SNX1: variants seen among roughly 807,000 people sequenced by gnomAD.
SNX1 encodes the protein sorting nexin 1.
In SNX1, 36 loss-of-function variants were observed where a neutral mutation model predicts 71.8. The observed-to-expected ratio is 0.50, with a 90% CI of 0.38 to 0.66. The LOEUF (loss-of-function observed/expected upper bound fraction) is 0.66, where lower values mean the gene tolerates loss of function less well. Ranked by LOEUF, SNX1 falls within the 30% of genes least tolerant of loss-of-function variation. The pLI is 0.00. For synonymous variants in SNX1, 254 were observed against 240.7 expected (o/e 1.06, Z -0.51); for missense variants, 612 against 646.7 (o/e 0.95, Z 0.58).
At chr15:64,128,874 C>G (rs996163418) in intron 8 of SNX1, among the ~76,000 whole-genome samples, 15 of 152,004 alleles carry the variant, frequency 9.9e-5, no homozygotes, top group Non-Finnish European at 1.5e-4. Flanking sequence ...AGGTAGCACC[C>G]CCTCCCCAGT....
chr15:64,128,679 T>G (rs1189103736), intron 8 of SNX1, among the ~76,000 whole-genome samples: 2 of 152,238 alleles, frequency 1.3e-5, no homozygotes, highest in Non-Finnish European at 2.9e-5. Context: ...TTTTAGTCTT[T>G]TCTTGTGGAT....
chr15:64,134,578 C>T lies in SNX1; in HGVS notation c.1222-86C>T, dbSNP rs1335591835. On this transcript the variant is annotated intron_variant, in intron 11 of 14. Coordinates refer to ENST00000559844, the MANE Select transcript of SNX1 (RefSeq NM_003099.5). This position sits in a 1 kb window ranked among gnomAD's most constrained non-coding sequence, Gnocchi z 4.1. ...GCCCTTGCTCAGTCTGTCCCTGGTG[C>T]AGCTGCTGGGAGAGCCTGCCTCGAG... is the stretch of plus-strand genomic sequence containing the variant. 4.0e-6 allele frequency: 6 copies of T among 1,486,934 alleles called. No homozygotes were observed. The highest frequency in any genetic ancestry group is 2.8e-5 in the African/African-American group (2 of 71,770). The allele number at this position is 1,486,934 out of a possible 1,614,324, so 92.1% of individuals were successfully genotyped here. A position where few individuals can be genotyped will look rare whatever the true frequency, so the allele number is the denominator to read the frequency against.
Position 64,112,662 on chromosome 15 carries a change from A to G in SNX1, c.249A>G (p.Gln83=). Residue 83 remains glutamine (Q), a synonymous_variant, in exon 2 of 15, where the codon CAA becomes CAG. Coordinates refer to ENST00000559844, the MANE Select transcript of SNX1 (RefSeq NM_003099.5). ...KENGIHEEQD[Q]EPQDLFADAT... The stretch of plus-strand genomic sequence containing the variant: ...ATGGGATCCATGAAGAACAAGACCA[A>G]GAGCCACAGGATCTCTTTGCAGGCA... 6.2e-7 allele frequency: 1 copy of G among 1,612,926 alleles called. No homozygotes were observed. Among genetic ancestry groups the G allele is most frequent in the African/African-American group, 1.3e-5 (1 of 75,004 alleles).
intron 1 of SNX1, among the ~76,000 whole-genome samples, chr15:64,109,363 A>G (rs183473037): frequency 5.9e-5 from 9 of 152,272 alleles, no homozygotes; most frequent in African/African-American, 2.2e-4. Context: ...AAAGAAAAAG[A>G]AAAATGCACA....
At chr15:64,124,176 A>ATATATATATATATATATATATATATG (rs1567327094) in intron 5 of SNX1, among the ~76,000 whole-genome samples, 1 of 119,104 alleles carries the variant, frequency 8.4e-6, no homozygotes, top group African/African-American at 2.9e-5. Context: ...ATATATATAT[A>ATATATATATATATATATATATATATG]TATGACTGTT....
chr15:64,135,708 G>C (rs1449745266), intron 12 of SNX1, among the ~76,000 whole-genome samples: 1 of 146,286 alleles, frequency 6.8e-6, no homozygotes, highest in Non-Finnish European at 1.5e-5. Flanking sequence ...GCAGTGAGCT[G>C]AGATCACGCC....
chr15:64,123,582 T>C (rs1336055193), intron 5 of SNX1, 36 bp downstream of exon 5: 10 of 1,568,466 alleles, frequency 6.4e-6, no homozygotes, highest in East Asian at 2.2e-5. Flanking sequence ...ACCATCTTCA[T>C]AGACTTTGGT....
chr15:64,104,335 C>T (rs1283184323), intron 1 of SNX1, among the ~76,000 whole-genome samples: 1 of 143,948 alleles, frequency 6.9e-6, no homozygotes, highest in African/African-American at 2.6e-5. Flanking sequence ...TGCAGTGGCG[C>T]GATTTTGGCT....
chr15:64,116,039 A>G (rs909793236), intron 2 of SNX1, among the ~76,000 whole-genome samples: 1 of 152,204 alleles, frequency 6.6e-6, no homozygotes, highest in African/African-American at 2.4e-5. Context: ...AACTTCCCCA[A>G]AACTTTTCTA....
rs761251263 is a variant in SNX1, at chr15:64,096,047, G to A, written c.34G>A (p.Glu12Lys). ...ASGGGGCSAS[E>K]RLPPPFPGLE... The stretch of plus-strand genomic sequence containing the variant: ...GGGTGGTGGTGGCTGTAGCGCTTCG[G>A]AGAGACTGCCTCCGCCCTTCCCCGG... Residue 12 changes from glutamate (E) to lysine (K), a missense_variant, in exon 1 of 15, where the codon GAG (glutamate) becomes AAG (lysine). By Grantham distance (56) the Glu-to-Lys change is moderately conservative. Around this residue, in one of 2 missense-constraint regions of SNX1, gnomAD observed 316 missense variants for 284.9 expected, o/e 1.11. Coordinates refer to ENST00000559844, the MANE Select transcript of SNX1 (RefSeq NM_003099.5). The A allele has an allele frequency of 3.1e-5, 50 of 1,593,300 alleles. No individual in the cohort carries two copies. The highest frequency in any genetic ancestry group is 3.9e-5 in the Non-Finnish European group (46 of 1,173,982).
chr15:64,128,194 T>TA, intron 8 of SNX1, among the ~76,000 whole-genome samples: 1 of 152,358 alleles, frequency 6.6e-6, no homozygotes, highest in Middle Eastern at 3.4e-3. Flanking sequence ...TTGATTGAAG[T>TA]AGACAGTCTC....
chr15:64,133,076 C>G (rs922832503), intron 11 of SNX1, among the ~76,000 whole-genome samples: 1 of 152,202 alleles, frequency 6.6e-6, no homozygotes. Flanking sequence ...CTTAGAGCTA[C>G]ATGGGCTGGG....
intron 1 of SNX1, among the ~76,000 whole-genome samples, chr15:64,097,939 G>T (rs2080920466): frequency 6.6e-6 from 1 of 152,162 alleles, no homozygotes; most frequent in Non-Finnish European, 1.5e-5. Context: ...AGCTCATAAG[G>T]TGCTTGATAA....
At chr15:64,107,256 C>T (rs979102962) in intron 1 of SNX1, among the ~76,000 whole-genome samples, 2 of 152,176 alleles carry the variant, frequency 1.3e-5, no homozygotes, top group African/African-American at 4.8e-5. Flanking sequence ...TGGATTTGAC[C>T]TCTAAATACA....
Position 64,124,073 on chromosome 15 carries a change from A to C in SNX1, c.510+527A>C, listed in dbSNP as rs192231710. On this transcript the variant is annotated intron_variant, in intron 5 of 14. Transcript: ENST00000559844. ...GGATCCACCTGCGTGTTTTTCCATCATATCCCCTGCCTCATACCTTAGAGG... is the reference window on the plus strand; with the variant it reads ...GGATCCACCTGCGTGTTTTTCCATCCTATCCCCTGCCTCATACCTTAGAGG... Among the ~76,000 whole-genome samples the C allele has an allele frequency of 2.8e-3, 412 of 149,712 alleles. 1 individual carries two copies. Among genetic ancestry groups the C allele is most frequent in the Non-Finnish European group, 4.4e-3 (298 of 67,850 alleles).
At chr15:64,110,511 C>G (rs1485678267) in intron 1 of SNX1, among the ~76,000 whole-genome samples, 1 of 152,200 alleles carries the variant, frequency 6.6e-6, no homozygotes, top group Non-Finnish European at 1.5e-5. Context: ...ATCCTCCCAC[C>G]TCAGCCTCCA....
At position 64,143,321 on chromosome 15, in the gene SNX1, C is replaced by A. The variant is rs527296533; in HGVS notation, c.*5703C>A. ...GCCTGTCTTCTGGTGCATGTGTCACCTGCCGATAACTGCATCTTGTGATAA... is the reference window on the plus strand; with the variant it reads ...GCCTGTCTTCTGGTGCATGTGTCACATGCCGATAACTGCATCTTGTGATAA... On this transcript the variant is annotated 3_prime_UTR_variant, in exon 15 of 15. Coordinates refer to ENST00000559844, the MANE Select transcript of SNX1 (RefSeq NM_003099.5). The A allele has an allele frequency of 6.6e-6, 1 of 152,364 alleles. No homozygotes were observed. Among genetic ancestry groups the A allele is most frequent in the East Asian group, 1.9e-4 (1 of 5,192 alleles). 9.4% of individuals were successfully genotyped at this position (152,364 alleles called of 1,614,324 possible). A position where few individuals can be genotyped will look rare whatever the true frequency, so the allele number is the denominator to read the frequency against.
chr15:64,116,570 A>G (rs1429430071), intron 2 of SNX1, among the ~76,000 whole-genome samples: 1 of 152,244 alleles, frequency 6.6e-6, no homozygotes, highest in Admixed American at 6.5e-5. Context: ...CTATAGGCAT[A>G]TATGCATAAA....
chr15:64,129,968 T>A lies in SNX1; in HGVS notation c.860T>A (p.Met287Lys). 6.2e-7 allele frequency: 1 copy of A among 1,614,160 alleles called. No homozygotes were observed. The highest frequency in any genetic ancestry group is 2.2e-5 in the East Asian group (1 of 44,882). The change falls in exon 9 of 15, where the codon ATG (methionine) becomes AAG (lysine). Residue 287 changes from methionine to lysine, a missense_variant. By Grantham distance (95) the Met-to-Lys change is moderately conservative (BLOSUM62 -1). Transcript: ENST00000559844. This position sits in a 1 kb window ranked among gnomAD's most constrained non-coding sequence, Gnocchi z 4.4. ...QTLSGAGLLK[M>K]FNKATDAVSK... is the part of the protein sequence containing the mutation. ...TTGAGTGGTGCTGGTCTCCTCAAGA[T>A]GTTCAACAAAGCCACAGATGCCGTC... is the stretch of plus-strand genomic sequence containing the variant.
Sources: allele counts gnomAD v4.1 joint callset (sites outside exome capture counted in the v4.1 genomes callset), GRCh38; gene constraint gnomAD v4.1.1; regional missense constraint gnomAD v4.1.1; non-coding constraint Gnocchi (gnomAD v3.1); transcripts MANE v1.5; gene names NCBI Gene and HGNC (gene_info 2026-07-23, HGNC 2026-07-21).